Variants in GRIA3 observed in about 807,000 individuals in gnomAD.
GRIA3 encodes the protein glutamate receptor 3.
Under a neutral mutation model 63.0 loss-of-function variants are expected in GRIA3, and 3 were observed. The observed-to-expected ratio is 0.05, with a 90% CI of 0.02 to 0.12. The LOEUF is 0.12. GRIA3 is among the 10% of genes least tolerant of loss of function. GRIA3 has a pLI of 1.00. For missense variants in GRIA3, 347 were observed against 700.9 expected (o/e 0.50, Z 5.70); for synonymous variants, 274 against 257.9 (o/e 1.06, Z -0.60).
intron 10 of GRIA3, among the ~76,000 whole-genome samples, chrX:123,411,046 A>G (rs1334134217): frequency 8.9e-6 from 1 of 111,843 alleles, no homozygotes; most frequent in Non-Finnish European, 1.9e-5. Flanking sequence ...ACAATTGCAG[A>G]CAGTAAACAT....
intron 3 of GRIA3, among the ~76,000 whole-genome samples, chrX:123,274,241 GT>G (rs2044540595): frequency 8.9e-6 from 1 of 112,307 alleles, no homozygotes; most frequent in African/African-American, 3.2e-5. Flanking sequence ...TGTGTTTCCT[GT>G]CTTTTTATTT....
intron 12 of GRIA3, among the ~76,000 whole-genome samples, chrX:123,445,294 C>A (rs955354471): frequency 8.9e-6 from 1 of 111,812 alleles, no homozygotes; most frequent in Non-Finnish European, 1.9e-5. Flanking sequence ...TGCCCTTCCC[C>A]TCCCTGGAAA....
chrX:123,370,314 ACATGAAATTG>A (rs1159086623), intron 5 of GRIA3, among the ~76,000 whole-genome samples: 1 of 110,967 alleles, frequency 9.0e-6, no homozygotes, highest in Non-Finnish European at 1.9e-5. Context: ...TCAATTACCT[ACATGAAATTG>A]TTGGGAGACT....
At chrX:123,338,951 T>C (rs748930427) in intron 4 of GRIA3, among the ~76,000 whole-genome samples, 29 of 112,452 alleles carry the variant, frequency 2.6e-4, no homozygotes, top group Middle Eastern at 9.2e-3. Context: ...TCTCCAAATA[T>C]AGACAAAGCT....
Position 123,417,713 on chromosome X carries a change from A to G in GRIA3, c.1812A>G (p.Gly604=). The G allele has an allele frequency of 8.6e-7, 1 of 1,163,096 alleles. No homozygotes were observed. Among genetic ancestry groups the G allele is most frequent in the Admixed American group, 2.6e-5 (1 of 39,210 alleles). Residue 604 remains glycine (G), a synonymous_variant, in exon 11 of 16, where the codon GGA becomes GGG. Coordinates refer to ENST00000620443, the MANE Select transcript of GRIA3 (RefSeq NM_007325.5). The part of the protein sequence containing the change: ...QSPPDPPNEF[G]IFNSLWFSLG... ...CTCCTGATCCTCCAAATGAATTTGG[A>G]ATATTTAACAGTCTTTGGTTTTCCT...
chrX:123,343,786 G>A (rs886322535), intron 4 of GRIA3, among the ~76,000 whole-genome samples: 2 of 106,538 alleles, frequency 1.9e-5, no homozygotes, highest in Non-Finnish European at 3.9e-5. Flanking sequence ...TTTAGAGATA[G>A]GGTCTCACTA....
At chrX:123,375,630 C>T (rs1334048106) in intron 5 of GRIA3, among the ~76,000 whole-genome samples, 1 of 111,365 alleles carries the variant, frequency 9.0e-6, no homozygotes, top group African/African-American at 3.3e-5. Context: ...TGTAATTGCC[C>T]AAATAATCCA....
Position 123,360,853 on chromosome X carries a change from TCTCACA to T in GRIA3, c.750+5892_750+5897del, listed in dbSNP as rs1289959768. Among the ~76,000 whole-genome samples, 37 of 26,274 alleles carry T rather than the reference TCTCACA, an allele frequency of 1.4e-3. 1 individual carries two copies. Among genetic ancestry groups the T allele is most frequent in the East Asian group, 8.1e-3 (9 of 1,108 alleles). 22.8% of individuals were successfully genotyped at this position (26,274 alleles called of 115,157 possible). On this transcript the variant is annotated intron_variant, in intron 5 of 15. Coordinates refer to ENST00000620443, the MANE Select transcript of GRIA3 (RefSeq NM_007325.5). ...TCCCTCCTCTCTCTCTCTCTCTCTC[TCTCACA>T]CACACACACACACACACACACACAC... is the stretch of plus-strand genomic sequence containing the variant.
intron 2 of GRIA3, among the ~76,000 whole-genome samples, chrX:123,210,439 C>T (rs1928013647): frequency 9.0e-6 from 1 of 111,329 alleles, no homozygotes; most frequent in Non-Finnish European, 1.9e-5. Context: ...TATCTCTTGC[C>T]TTAGCTTCTG....
intron 3 of GRIA3, among the ~76,000 whole-genome samples, chrX:123,256,429 GT>G (rs1440456055): frequency 1.8e-5 from 2 of 112,003 alleles, no homozygotes; most frequent in Non-Finnish European, 3.8e-5. Context: ...AGGATGTTCA[GT>G]GATGGCCTCA....
rs765031151 is a variant in GRIA3, at chrX:123,276,242, C to G, written c.508+22700C>G. Among the ~76,000 whole-genome samples the G allele has an allele frequency of 1.2e-4, 14 of 112,098 alleles. No individual in the cohort carries two copies. In the South Asian group the frequency reaches 5.2e-3, roughly 41 times the overall value. On this transcript the variant is annotated intron_variant, in intron 3 of 15. Coordinates refer to ENST00000620443, the MANE Select transcript of GRIA3 (RefSeq NM_007325.5). ...CCAGAACCTGCTGGTTTCAAGCTTT[C>G]TTTTTTGAAGCTCATTTGGAAAACA...
chrX:123,325,560 A>G (rs1163725245), intron 3 of GRIA3, among the ~76,000 whole-genome samples: 1 of 111,673 alleles, frequency 9.0e-6, no homozygotes, highest in African/African-American at 3.3e-5. Context: ...GACATAATTT[A>G]CCTTGTTGGA....
chrX:123,211,734 C>G (rs1450130939), intron 2 of GRIA3, among the ~76,000 whole-genome samples: 2 of 111,690 alleles, frequency 1.8e-5, no homozygotes, highest in Non-Finnish European at 3.8e-5. Context: ...GCTGAGTCAA[C>G]AGTCCCCAAA....
chrX:123,358,240 G>A (rs1186905681), intron 5 of GRIA3: 3 of 112,059 alleles, frequency 2.7e-5, no homozygotes, highest in Non-Finnish European at 5.6e-5. Context: ...AGTCCAATGT[G>A]AGTCTTGGTG....
At chrX:123,204,716 GA>G in intron 2 of GRIA3, 1 of 875,310 alleles carries the variant, frequency 1.1e-6, no homozygotes, top group South Asian at 3.4e-5. Flanking sequence ...GTATTTTTGG[GA>G]GTTGAGGGGA....
rs756191341 is a variant in GRIA3, at chrX:123,189,714, G to A, written c.268+3724G>A. 3.6e-5 allele frequency among the ~76,000 whole-genome samples: 4 copies of A among 112,668 alleles called. No individual in the cohort carries two copies. In the South Asian group the frequency reaches 1.5e-3, roughly 42 times the overall value. On this transcript the variant is annotated intron_variant, in intron 2 of 15. Coordinates refer to ENST00000620443, the MANE Select transcript of GRIA3 (RefSeq NM_007325.5). ...CACGGAATTGTACTCTAAACGCATT[G>A]GCTTAAATAAAAATCTGTTGATGGA...
intron 5 of GRIA3, among the ~76,000 whole-genome samples, chrX:123,378,782 T>C (rs750924589): frequency 1.3e-4 from 15 of 111,424 alleles, no homozygotes; most frequent in Non-Finnish European, 2.3e-4. Context: ...TGAAATACCT[T>C]AAAATAATGA....
rs768281035 is a variant in GRIA3, at chrX:123,251,528, C to T, written c.269-1775C>T. On this transcript the variant is annotated intron_variant, in intron 2 of 15. Transcript: ENST00000620443. Reference sequence around the variant, plus strand: ...TCGGCTCACTGCAACCTCTGCCTCCCGGGTTCAAGCGATTCTCCTGCCTCA... The same window carrying T: ...TCGGCTCACTGCAACCTCTGCCTCCTGGGTTCAAGCGATTCTCCTGCCTCA... Among the ~76,000 whole-genome samples, 7 of 111,367 alleles carry T rather than the reference C, an allele frequency of 6.3e-5. No homozygotes were observed. The South Asian group carries it at 2.7e-3, about 43-fold the overall frequency.
At chrX:123,372,930 C>T (rs2045257705) in intron 5 of GRIA3, among the ~76,000 whole-genome samples, 1 of 107,674 alleles carries the variant, frequency 9.3e-6, no homozygotes, top group Admixed American at 1.0e-4. Flanking sequence ...ATGTGCACAA[C>T]ATGCAGGTTT....
Sources: allele counts gnomAD v4.1 joint callset (sites outside exome capture counted in the v4.1 genomes callset), GRCh38; gene constraint gnomAD v4.1.1; transcripts MANE v1.5; gene names NCBI Gene and HGNC (gene_info 2026-07-23, HGNC 2026-07-21).